The following CD5 variants were observed in gnomAD, a reference collection of about 807,000 sequenced individuals.
CD5 encodes the protein T-cell surface glycoprotein CD5.
In CD5, 36 loss-of-function variants were observed where a neutral mutation model predicts 60.3. The ratio of observed to expected loss-of-function variants is 0.60; its 90% CI spans 0.46 to 0.79. CD5 has a LOEUF of 0.79. Ranked by LOEUF, CD5 falls within the 30% of genes least tolerant of loss-of-function variation. The pLI is 0.00. For synonymous variants in CD5, 230 were observed against 257.6 expected (o/e 0.89, Z 1.03); for missense variants, 540 against 630.6 (o/e 0.86, Z 1.54).
chr11:61,112,508 G>A (rs1423416277), intron 1 of CD5, among the ~76,000 whole-genome samples: 1 of 152,160 alleles, frequency 6.6e-6, no homozygotes, highest in Non-Finnish European at 1.5e-5. Flanking sequence ...GTCGGGCGTG[G>A]TGGTGCATGT....
intron 1 of CD5, among the ~76,000 whole-genome samples, chr11:61,111,871 C>T (rs979864326): frequency 1.3e-5 from 2 of 152,210 alleles, no homozygotes; most frequent in Admixed American, 1.3e-4. Flanking sequence ...CTGGGCTAAG[C>T]CCTTTACACC....
rs557501870 is a variant in CD5 at position 61,103,663 on chromosome 11, C to G, written c.55+1048C>G. Among the ~76,000 whole-genome samples the G allele has an allele frequency of 1.4e-4, 19 of 133,810 alleles. 1 individual carries two copies. Among genetic ancestry groups the G allele is most frequent in the African/African-American group, 5.2e-4 (16 of 30,860 alleles). 87.8% of individuals were successfully genotyped at this position (133,810 alleles called of 152,430 possible). ...AACTGTGTTGGGGGGTAATGTGTGA[C>G]TCTGTGTGTGAGTCTGTGTGTGAGT... On this transcript the variant is annotated intron_variant, in intron 1 of 10. Transcript: ENST00000347785.
At chr11:61,107,127 G>T (rs1013311332) in intron 1 of CD5, among the ~76,000 whole-genome samples, 1 of 152,188 alleles carries the variant, frequency 6.6e-6, no homozygotes, top group Non-Finnish European at 1.5e-5. Context: ...GGGACCGGAA[G>T]CCTTGGTGGG....
In CD5 at chr11:61,118,069, C is replaced by A; in HGVS notation, c.95-106C>A. ...CACAAGGGGCAAGGCAGGCAGCCCA[C>A]GGGGCAGGAGGGAGCTCAACTGGGC... On this transcript the variant is annotated intron_variant, in intron 2 of 10. Coordinates refer to ENST00000347785, the MANE Select transcript of CD5 (RefSeq NM_014207.4). The surrounding 1 kb of genome is among the most constrained non-coding windows in gnomAD (Gnocchi z 4.7). 1 of 1,200,044 alleles carries A rather than the reference C, an allele frequency of 8.3e-7. No individual in the cohort carries two copies. The highest frequency in any genetic ancestry group is 2.4e-5 in the East Asian group (1 of 42,516). The allele number at this position is 1,200,044 out of a possible 1,614,324, so 74.3% of individuals were successfully genotyped here. A position where few individuals can be genotyped will look rare whatever the true frequency, so the allele number is the denominator to read the frequency against.
At chr11:61,101,233 A>C (rs1482814236), upstream of CD5, among the ~76,000 whole-genome samples, 4 of 109,504 alleles carry the variant, frequency 3.7e-5, no homozygotes, top group South Asian at 4.8e-4. Context: ...ATCAACATGG[A>C]GATCACATTC....
chr11:61,118,071 G>A lies in CD5; in HGVS notation c.95-104G>A. On this transcript the variant is annotated intron_variant, in intron 2 of 10. Transcript: ENST00000347785. This position sits in a 1 kb window ranked among gnomAD's most constrained non-coding sequence, Gnocchi z 4.7. ...CAAGGGGCAAGGCAGGCAGCCCACG[G>A]GGCAGGAGGGAGCTCAACTGGGCGT... 8.1e-7 allele frequency: 1 copy of A among 1,229,454 alleles called. No homozygotes were observed. The highest frequency in any genetic ancestry group is 1.2e-6 in the Non-Finnish European group (1 of 866,036). The allele number at this position is 1,229,454 out of a possible 1,614,324, so 76.2% of individuals were successfully genotyped here.
Position 61,114,212 on chromosome 11 carries a change from A to G in CD5, c.56-844A>G, listed in dbSNP as rs1860901931. ...CTGCAGGGTCCAACTTCTGGGCTCA[A>G]GCGGTCCTCCCACCTTGGCCCCCTT... On this transcript the variant is annotated intron_variant, in intron 1 of 10. Transcript: ENST00000347785. Among the ~76,000 whole-genome samples the G allele has an allele frequency of 3.3e-5, 5 of 152,228 alleles. No homozygotes were observed. The South Asian group carries it at 1.0e-3, about 32-fold the overall frequency.
At chr11:61,123,856 T>G (rs1279636850) in intron 7 of CD5, 28 bp from the exon 8 acceptor site, 1 of 1,181,296 alleles carries the variant, frequency 8.5e-7, no homozygotes, top group African/African-American at 2.0e-5. Flanking sequence ...CCCACCACTC[T>G]GATGTGCCTT....
At chr11:61,122,208 T>C (rs1023764041) in intron 6 of CD5, among the ~76,000 whole-genome samples, 6 of 151,824 alleles carry the variant, frequency 4.0e-5, no homozygotes, top group African/African-American at 1.2e-4. Flanking sequence ...AATCAAATGG[T>C]AGATAGCACA....
At chr11:61,125,398 T>A (rs1025829309) in intron 9 of CD5, among the ~76,000 whole-genome samples, 3 of 152,210 alleles carry the variant, frequency 2.0e-5, no homozygotes, top group African/African-American at 7.2e-5. Flanking sequence ...CAGAAAGCCA[T>A]CAACCCCAGC....
intron 1 of CD5, among the ~76,000 whole-genome samples, chr11:61,107,943 G>A (rs1421846851): frequency 1.3e-5 from 2 of 152,136 alleles, no homozygotes; most frequent in African/African-American, 4.8e-5. Flanking sequence ...CTGTACTCCA[G>A]AGCAAGCAGG....
At chr11:61,123,243 T>C (rs1007820498) in intron 7 of CD5, among the ~76,000 whole-genome samples, 2 of 152,156 alleles carry the variant, frequency 1.3e-5, no homozygotes, top group African/African-American at 4.8e-5. Context: ...AATTGCTGAT[T>C]TGTCCATCTC....
chr11:61,116,935 GA>G (rs1860975360), intron 2 of CD5, among the ~76,000 whole-genome samples: 1 of 151,232 alleles, frequency 6.6e-6, no homozygotes, highest in Non-Finnish European at 1.5e-5. Flanking sequence ...CATGGAGTTT[GA>G]TAAAATCACA....
intron 1 of CD5, among the ~76,000 whole-genome samples, chr11:61,113,646 C>T (rs1017551035): frequency 3.9e-5 from 6 of 152,086 alleles, no homozygotes; most frequent in Admixed American, 3.3e-4. Flanking sequence ...TCTTGGTTCC[C>T]TTTCTTGCTC....
chr11:61,098,659 A>G (rs1860614844), upstream of CD5, among the ~76,000 whole-genome samples: 1 of 152,186 alleles, frequency 6.6e-6, no homozygotes. Context: ...TGCTTGCTCA[A>G]TCGATCATGA....
intron 7 of CD5, 73 bp from the exon 8 acceptor site, chr11:61,123,811 A>AAACCCCCCCC (rs2134612077): frequency 7.6e-6 from 2 of 262,112 alleles, no homozygotes; most frequent in Non-Finnish European, 1.4e-5. Context: ...GCCCAGCCCC[A>AAACCCCCCCC]TCCCCACCCC....
the CD5 span, among the ~76,000 whole-genome samples, chr11:61,096,959 T>C: frequency 6.6e-6 from 1 of 152,102 alleles, no homozygotes; most frequent in African/African-American, 2.4e-5. Flanking sequence ...GAATTATAGT[T>C]CCTTGCCAGT....
intron 8 of CD5, among the ~76,000 whole-genome samples, chr11:61,124,239 C>T (rs1861113893): frequency 6.6e-6 from 1 of 152,206 alleles, no homozygotes; most frequent in African/African-American, 2.4e-5. Flanking sequence ...CCCTCACCTC[C>T]TCCAGCAGTA....
chr11:61,105,093 C>T (rs947307531), intron 1 of CD5, among the ~76,000 whole-genome samples: 1 of 152,256 alleles, frequency 6.6e-6, no homozygotes, highest in African/African-American at 2.4e-5. Flanking sequence ...GACACCACAG[C>T]CTCCTGGCTG....
Sources: gnomAD v4.1 joint callset for allele counts (sites outside exome capture counted in the v4.1 genomes callset) on GRCh38, gnomAD v4.1.1 for gene constraint, Gnocchi (gnomAD v3.1) non-coding constraint, MANE v1.5 for transcripts, NCBI Gene and HGNC (gene_info 2026-07-23, HGNC 2026-07-21) for gene names.